Variants in CNST observed in about 807,000 individuals in gnomAD.
The protein encoded by CNST is consortin, connexin sorting protein.
A neutral mutation model predicts 72.4 loss-of-function variants in CNST; 39 were observed. The ratio of observed to expected loss-of-function variants is 0.54; its 90% CI spans 0.42 to 0.70. The LOEUF (loss-of-function observed/expected upper bound fraction) is 0.70. CNST is among the 30% of genes least tolerant of loss of function. The pLI, the probability that CNST is intolerant of heterozygous loss-of-function variation, is 0.00. For missense variants in CNST, 871 were observed against 868.5 expected (o/e 1.00, Z -0.04); for synonymous variants, 332 against 320.1 (o/e 1.04, Z -0.40).
At chr1:246,603,250 A>G (rs938945089) in intron 2 of CNST, among the ~76,000 whole-genome samples, 1 of 152,148 alleles carries the variant, frequency 6.6e-6, no homozygotes, top group Admixed American at 6.6e-5. Flanking sequence ...ATTTTATAGG[A>G]CTCAGATTAG....
intron 2 of CNST, among the ~76,000 whole-genome samples, chr1:246,603,751 G>C (rs1015082826): frequency 5.3e-5 from 8 of 152,342 alleles, no homozygotes; most frequent in African/African-American, 1.7e-4. Flanking sequence ...AAGTAGATGA[G>C]TTGGCTGCCT....
chr1:246,644,636 T>TC (rs1558584953), intron 8 of CNST, among the ~76,000 whole-genome samples: 1 of 152,142 alleles, frequency 6.6e-6, no homozygotes, highest in African/African-American at 2.4e-5. Flanking sequence ...CCCAAGCTGC[T>TC]CCCCTAGATA....
At chr1:246,638,935 G>A (rs1442308195) in intron 6 of CNST, among the ~76,000 whole-genome samples, 1 of 152,124 alleles carries the variant, frequency 6.6e-6, no homozygotes, top group African/African-American at 2.4e-5. Context: ...AAGGAGCCGT[G>A]GGGCAGACAT....
intron 2 of CNST, among the ~76,000 whole-genome samples, chr1:246,594,189 A>G (rs1192691646): frequency 1.3e-5 from 2 of 151,912 alleles, no homozygotes; most frequent in Non-Finnish European, 2.9e-5. Flanking sequence ...TTATTATTAT[A>G]TTTATTTTAG....
chr1:246,648,938 CAG>C (rs762465569), intron 9 of CNST, among the ~76,000 whole-genome samples: 2 of 152,132 alleles, frequency 1.3e-5, no homozygotes, highest in Non-Finnish European at 2.9e-5. Flanking sequence ...TATGTGAAAA[CAG>C]AAGACTGAAA....
In CNST at chr1:246,632,327, G is replaced by A. The variant is rs916017438; in HGVS notation, c.616+403G>A. 16 of 290,068 alleles carry A rather than the reference G, an allele frequency of 5.5e-5. 1 individual carries two copies. Among genetic ancestry groups the A allele is most frequent in the African/African-American group, 2.2e-4 (10 of 44,866 alleles). 18.0% of individuals were successfully genotyped at this position (290,068 alleles called of 1,614,324 possible). The stretch of plus-strand genomic sequence containing the variant: ...AACGTGCGCCACAGACTTGGGACCC[G>A]GGACATTGCCGCCCCCGTGATGGTG... On this transcript the variant is annotated intron_variant, in intron 4 of 10. Coordinates refer to ENST00000366513, the MANE Select transcript of CNST (RefSeq NM_152609.3).
chr1:246,650,762 C>T (rs776590666), intron 9 of CNST, among the ~76,000 whole-genome samples: 1 of 148,298 alleles, frequency 6.7e-6, no homozygotes, highest in Non-Finnish European at 1.5e-5. Context: ...ACTGCAACCT[C>T]CATCTCCTGG....
chr1:246,616,934 G>A (rs545852581), intron 2 of CNST, among the ~76,000 whole-genome samples: 1 of 151,446 alleles, frequency 6.6e-6, no homozygotes, highest in African/African-American at 2.4e-5. Flanking sequence ...AAATTCACAC[G>A]GAAAAATACT....
chr1:246,594,359 T>C (rs1233480887), intron 2 of CNST, among the ~76,000 whole-genome samples: 4 of 152,228 alleles, frequency 2.6e-5, no homozygotes, highest in Admixed American at 6.5e-5. Flanking sequence ...TGAGAAGATA[T>C]GTTTAGAATT....
chr1:246,602,549 A>T (rs1171813106), intron 2 of CNST, among the ~76,000 whole-genome samples: 1 of 152,210 alleles, frequency 6.6e-6, no homozygotes, highest in Non-Finnish European at 1.5e-5. Context: ...GAGAGAGAGC[A>T]CTCAACCTGG....
rs1489366089 is a variant in CNST, at chr1:246,634,990, G to GGGGTGCGTGTCTTCTGGCCA, written c.818+404_818+405insGGTGCGTGTCTTCTGGCCAG. On this transcript the variant is annotated intron_variant, in intron 6 of 10. Coordinates refer to ENST00000366513, the MANE Select transcript of CNST (RefSeq NM_152609.3). ...CGGCCGGGGTGCGTGTCTTCCGGCC[G>GGGGTGCGTGTCTTCTGGCCA]GCCCTCTTCCTGCTTCTGCTTCTCG... 3.5e-4 allele frequency among the ~76,000 whole-genome samples: 53 copies of GGGGTGCGTGTCTTCTGGCCA among 149,616 alleles called. 1 individual carries two copies. Among genetic ancestry groups the GGGGTGCGTGTCTTCTGGCCA allele is most frequent in the African/African-American group, 1.2e-3 (51 of 40,942 alleles).
At chr1:246,606,454 G>T (rs549337999) in intron 2 of CNST, 1 of 151,818 alleles carries the variant, frequency 6.6e-6, no homozygotes, top group Non-Finnish European at 1.5e-5. Context: ...GTTAAACTTA[G>T]CACAGACCGC....
chr1:246,575,504 C>T (rs1024409375), intron 1 of CNST, among the ~76,000 whole-genome samples: 31 of 152,044 alleles, frequency 2.0e-4, no homozygotes, highest in African/African-American at 7.5e-4. Flanking sequence ...GTGAAATGTC[C>T]AGAATATGTA....
intron 9 of CNST, among the ~76,000 whole-genome samples, chr1:246,653,627 G>A (rs377474741): frequency 2.6e-5 from 4 of 152,174 alleles, no homozygotes; most frequent in African/African-American, 4.8e-5. Context: ...AAATGGCCTC[G>A]TCCTTGCCTT....
At chr1:246,663,911 G>A (rs762134624) in intron 10 of CNST, among the ~76,000 whole-genome samples, 4 of 152,038 alleles carry the variant, frequency 2.6e-5, no homozygotes, top group Non-Finnish European at 2.9e-5. Context: ...GGAGAAAAAC[G>A]GATAGTCCCT....
intron 8 of CNST, among the ~76,000 whole-genome samples, chr1:246,644,024 C>T (rs1665882862): frequency 6.6e-6 from 1 of 152,154 alleles, no homozygotes; most frequent in Admixed American, 6.5e-5. Context: ...CGTGGCATAG[C>T]TGCTGTCCAT....
rs574422420 is a variant in CNST at position 246,626,148 on chromosome 1, C to T, written c.585+4514C>T. Reference sequence around the variant, plus strand: ...CACTGCAGCCTCCACCTCACGGGTTCAAGTAGTCTTCCTGCCTCAGCTTCT... The same window carrying T: ...CACTGCAGCCTCCACCTCACGGGTTTAAGTAGTCTTCCTGCCTCAGCTTCT... On this transcript the variant is annotated intron_variant, in intron 3 of 10. Coordinates refer to ENST00000366513, the MANE Select transcript of CNST (RefSeq NM_152609.3). Among the ~76,000 whole-genome samples, 3 of 152,008 alleles carry T rather than the reference C, an allele frequency of 2.0e-5. No individual in the cohort carries two copies. In the East Asian group the frequency reaches 5.8e-4, roughly 30 times the overall value.
In CNST at chr1:246,620,041, ACT is replaced by A. The variant is rs1423460724; in HGVS notation, c.380-1385_380-1384del. Among the ~76,000 whole-genome samples the A allele has an allele frequency of 4.0e-3, 211 of 52,814 alleles. 5 individuals carry two copies. The highest frequency in any genetic ancestry group is 6.0e-3 in the Non-Finnish European group (148 of 24,812). 34.6% of individuals were successfully genotyped at this position (52,814 alleles called of 152,430 possible). On this transcript the variant is annotated intron_variant, in intron 2 of 10. Coordinates refer to ENST00000366513, the MANE Select transcript of CNST (RefSeq NM_152609.3). ...CATACACACGATGGGCTCTGGGCAC[ACT>A]CTACAGGGAGGACGGCTTCAGTCGT...
Position 246,615,819 on chromosome 1 carries a change from G to A in CNST, c.380-5610G>A, listed in dbSNP as rs191362502. Reference sequence around the variant, plus strand: ...CTTGAACCCAGGAGGTGGAGGTTGCGGTGAGCCGAGATTGTGCAATTGCAC... The same window carrying A: ...CTTGAACCCAGGAGGTGGAGGTTGCAGTGAGCCGAGATTGTGCAATTGCAC... On this transcript the variant is annotated intron_variant, in intron 2 of 10. Coordinates refer to ENST00000366513, the MANE Select transcript of CNST (RefSeq NM_152609.3). 4.5e-3 allele frequency among the ~76,000 whole-genome samples: 684 copies of A among 151,934 alleles called. 8 individuals carry two copies. Among genetic ancestry groups the A allele is most frequent in the African/African-American group, 0.016 (654 of 41,456 alleles).
Sources: gnomAD v4.1 joint callset for allele counts (sites outside exome capture counted in the v4.1 genomes callset) on GRCh38, gnomAD v4.1.1 for gene constraint, MANE v1.5 for transcripts, NCBI Gene and HGNC (gene_info 2026-07-23, HGNC 2026-07-21) for gene names.